ANKS1B: variants seen among roughly 807,000 people sequenced by gnomAD.
ANKS1B encodes ankyrin repeat and sterile alpha motif domain-containing protein 1B.
Under a neutral mutation model 148.3 loss-of-function variants are expected in ANKS1B, and 36 were observed. That is an observed-to-expected ratio of 0.24 (90% CI 0.19 to 0.32). ANKS1B has a LOEUF of 0.32. Among genes scored for constraint, ANKS1B ranks in the 10% least tolerant of loss-of-function variants. The probability of loss-of-function intolerance (pLI) is 1.00; values close to 1 mark genes in which losing one functional copy is unlikely to be tolerated. For missense variants in ANKS1B, 1,157 were observed against 1,542.6 expected (o/e 0.75, Z 4.19); for synonymous variants, 542 against 560.8 (o/e 0.97, Z 0.47).
intron 14 of ANKS1B, among the ~76,000 whole-genome samples, chr12:99,175,993 C>T (rs1034404296): frequency 2.0e-5 from 3 of 152,064 alleles, no homozygotes; most frequent in Non-Finnish European, 1.5e-5. Context: ...ATTACAGGTG[C>T]CCATCACCAT....
intron 8 of ANKS1B, among the ~76,000 whole-genome samples, chr12:99,767,618 C>A (rs1421164419): frequency 6.6e-6 from 1 of 151,838 alleles, no homozygotes; most frequent in Non-Finnish European, 1.5e-5. Flanking sequence ...CTTTCGAAAA[C>A]CTAAATTTCA....
intron 11 of ANKS1B, among the ~76,000 whole-genome samples, chr12:99,403,148 C>CTTT (rs2094448524): frequency 2.2e-5 from 2 of 90,226 alleles, no homozygotes; most frequent in East Asian, 3.5e-4. Context: ...GTTCACTTTT[C>CTTT]TTTCTTTTTT....
intron 9 of ANKS1B, among the ~76,000 whole-genome samples, chr12:98,737,622 C>T (rs192857300): frequency 2.6e-5 from 4 of 152,280 alleles, no homozygotes; most frequent in African/African-American, 9.6e-5. Flanking sequence ...AATTTGCCCA[C>T]GTGTTCATAA....
chr12:99,454,218 T>C (rs920452312), intron 10 of ANKS1B, among the ~76,000 whole-genome samples: 1 of 152,216 alleles, frequency 6.6e-6, no homozygotes, highest in Non-Finnish European at 1.5e-5. Flanking sequence ...CAAAATTGCC[T>C]TTGTAAAAGA....
At position 99,888,331 on chromosome 12, in the gene ANKS1B, G is replaced by A. The variant is rs140643209; in HGVS notation, c.135-62942C>T. ...TTGAAACTAAAATGACCTAACTAAC[G>A]TAGCTTCACAAAGGAAGGCACAGAA... On this transcript the variant is annotated intron_variant, in intron 1 of 26. Coordinates refer to ENST00000683438, the MANE Select transcript of ANKS1B (RefSeq NM_001352186.2). 3.7e-4 allele frequency among the ~76,000 whole-genome samples: 56 copies of A among 152,228 alleles called. No homozygotes were observed. In the East Asian group the frequency reaches 5.0e-3, roughly 14 times the overall value.
chr12:99,449,913 ATCT>A (rs1488358998), intron 10 of ANKS1B, among the ~76,000 whole-genome samples: 1 of 150,296 alleles, frequency 6.7e-6, no homozygotes, highest in Non-Finnish European at 1.5e-5. Flanking sequence ...CTATCTATCT[ATCT>A]ATCTATCTAT....
intron 22 of ANKS1B, among the ~76,000 whole-genome samples, chr12:98,798,429 C>A (rs1438903658): frequency 6.6e-6 from 1 of 151,550 alleles, no homozygotes; most frequent in Non-Finnish European, 1.5e-5. Context: ...CCTGGAATTG[C>A]CATTTTTAGT....
At chr12:99,713,823 GCTC>G (rs1228418900) in intron 8 of ANKS1B, among the ~76,000 whole-genome samples, 1 of 151,910 alleles carries the variant, frequency 6.6e-6, no homozygotes, top group Non-Finnish European at 1.5e-5. Context: ...TTTCTATCAT[GCTC>G]CTCAACATTC....
Position 98,744,152 on chromosome 12 carries a change from A to G in ANKS1B, c.*1587T>C, listed in dbSNP as rs1245914495. 2 of 985,572 alleles carry G rather than the reference A, an allele frequency of 2.0e-6. No individual in the cohort carries two copies. The highest frequency in any genetic ancestry group is 1.7e-5 in the African/African-American group (1 of 57,232). 61.1% of individuals were successfully genotyped at this position (985,572 alleles called of 1,614,324 possible). A position where few individuals can be genotyped will look rare whatever the true frequency, so the allele number is the denominator to read the frequency against. Reference sequence around the variant, plus strand: ...CCTCCTGGTACCATATTTTAGTGTTATTTAACTCTCATTTTGCTACATACA... The same window carrying G: ...CCTCCTGGTACCATATTTTAGTGTTGTTTAACTCTCATTTTGCTACATACA... On this transcript the variant is annotated 3_prime_UTR_variant, in exon 27 of 27. Transcript: ENST00000683438.
intron 15 of ANKS1B, chr12:99,093,727 G>C (rs537178141): frequency 6.6e-6 from 1 of 152,156 alleles, no homozygotes; most frequent in South Asian, 2.1e-4. Flanking sequence ...AAGGAGATTC[G>C]TTAATTCTTC....
chr12:99,402,656 T>C (rs952151537), intron 11 of ANKS1B, among the ~76,000 whole-genome samples: 3 of 146,412 alleles, frequency 2.0e-5, no homozygotes, highest in Admixed American at 1.4e-4. Flanking sequence ...GATCTCATTC[T>C]TTTTTATGGC....
At chr12:98,922,725 CCGACCTCAGG>C (rs1261818322) in intron 17 of ANKS1B, among the ~76,000 whole-genome samples, 1 of 152,062 alleles carries the variant, frequency 6.6e-6, no homozygotes, top group African/African-American at 2.4e-5. Flanking sequence ...TCTTGAACTC[CCGACCTCAGG>C]CGATCCACCC....
intron 9 of ANKS1B, among the ~76,000 whole-genome samples, chr12:99,560,396 G>GA (rs138955909): frequency 1.6e-4 from 24 of 148,290 alleles, no homozygotes; most frequent in South Asian, 1.3e-3. Flanking sequence ...TTTTTTTTAA[G>GA]AAAAAAAAAA....
At chr12:99,951,967 A>G (rs1355865285) in intron 1 of ANKS1B, among the ~76,000 whole-genome samples, 1 of 152,226 alleles carries the variant, frequency 6.6e-6, no homozygotes, top group African/African-American at 2.4e-5. Context: ...CAGAGGTTTC[A>G]GACATTGTAT....
chr12:99,049,208 A>G (rs1394022797), intron 17 of ANKS1B: 2 of 152,166 alleles, frequency 1.3e-5, no homozygotes, highest in Non-Finnish European at 2.9e-5. Flanking sequence ...TAGAATATTC[A>G]TCCTCCCCAT....
intron 9 of ANKS1B, among the ~76,000 whole-genome samples, chr12:99,646,423 C>T (rs1252803984): frequency 6.6e-6 from 1 of 152,008 alleles, no homozygotes; most frequent in Non-Finnish European, 1.5e-5. Context: ...CTTGGGGGGC[C>T]AAGGCGGGCG....
chr12:99,883,614 G>GT (rs1170019975), intron 1 of ANKS1B, among the ~76,000 whole-genome samples: 1 of 105,674 alleles, frequency 9.5e-6, no homozygotes, highest in Non-Finnish European at 2.4e-5. Context: ...ATAGACTTGG[G>GT]GCAGGGGGGA....
rs117392236 is a variant in ANKS1B at position 99,684,527 on chromosome 12, A to C, written c.1129-29317T>G. Among the ~76,000 whole-genome samples, 664 of 152,190 alleles carry C rather than the reference A, an allele frequency of 4.4e-3. 31 individuals carry two copies. In the East Asian group the frequency reaches 0.065, roughly 15 times the overall value. On this transcript the variant is annotated intron_variant, in intron 8 of 26. Coordinates refer to ENST00000683438, the MANE Select transcript of ANKS1B (RefSeq NM_001352186.2). ...CACATGCTCATGAATGGGTAGTATCAATATTGTAAAAATGACAAATCTACA... is the reference window on the plus strand; with the variant it reads ...CACATGCTCATGAATGGGTAGTATCCATATTGTAAAAATGACAAATCTACA...
At chr12:99,728,982 T>C (rs1229421493) in intron 8 of ANKS1B, among the ~76,000 whole-genome samples, 1 of 152,178 alleles carries the variant, frequency 6.6e-6, no homozygotes, top group African/African-American at 2.4e-5. Context: ...ACAACTTTTA[T>C]ATGCACTTGG....
Sources: gnomAD v4.1 joint callset for allele counts (sites outside exome capture counted in the v4.1 genomes callset) on GRCh38, gnomAD v4.1.1 for gene constraint, MANE v1.5 for transcripts, NCBI Gene and HGNC (gene_info 2026-07-23, HGNC 2026-07-21) for gene names.